NKAIN3: variants seen among roughly 807,000 people sequenced by gnomAD.
NKAIN3 encodes the protein sodium/potassium-transporting ATPase subunit beta-1-interacting protein 3.
A neutral mutation model predicts 30.2 loss-of-function variants in NKAIN3; 25 were observed. The observed-to-expected ratio is 0.83, with a 90% CI of 0.60 to 1.16. NKAIN3 has a LOEUF of 1.16. NKAIN3 is among the 50% of genes most tolerant of loss of function. The probability of loss-of-function intolerance (pLI) is 0.00; values close to 1 mark genes in which losing one functional copy is unlikely to be tolerated. For missense variants in NKAIN3, 225 were observed against 254.1 expected (o/e 0.89, Z 0.78); for synonymous variants, 91 against 89.6 (o/e 1.02, Z -0.09).
chr8:62,479,128 AG>A (rs1218265371), intron 1 of NKAIN3, among the ~76,000 whole-genome samples: 6 of 152,162 alleles, frequency 3.9e-5, no homozygotes, highest in African/African-American at 1.4e-4. Context: ...TATGTCACTC[AG>A]GCTCCTTGTT....
Position 62,658,501 on chromosome 8 carries a change from C to T in NKAIN3, c.273+68707C>T, listed in dbSNP as rs189676686. Among the ~76,000 whole-genome samples, 358 of 152,142 alleles carry T rather than the reference C, an allele frequency of 2.4e-3. 1 individual carries two copies. Among genetic ancestry groups the T allele is most frequent in the South Asian group, 0.012 (57 of 4,830 alleles). ...CTGCCTGGCATATTATATGTAAATG[C>T]GGTATACCCATTCATATATTATGAT... is the stretch of plus-strand genomic sequence containing the variant. On this transcript the variant is annotated intron_variant, in intron 3 of 6. Transcript: ENST00000623646.
At chr8:62,728,165 G>A (rs961954394) in intron 3 of NKAIN3, among the ~76,000 whole-genome samples, 1 of 151,906 alleles carries the variant, frequency 6.6e-6, no homozygotes, top group Non-Finnish European at 1.5e-5. Flanking sequence ...AACTCAAAAT[G>A]GATCACATAC....
At chr8:62,729,039 A>AAAAAAAAAAAAAAAAACAAAC (rs200466973) in intron 3 of NKAIN3, among the ~76,000 whole-genome samples, 8 of 96,942 alleles carry the variant, frequency 8.3e-5, no homozygotes, top group African/African-American at 2.8e-4. Flanking sequence ...AAAAAAAAAA[A>AAAAAAAAAAAAAAAAACAAAC]CAAAAAAAAA....
intron 1 of NKAIN3, among the ~76,000 whole-genome samples, chr8:62,556,300 A>G (rs921997626): frequency 6.6e-6 from 1 of 151,922 alleles, no homozygotes; most frequent in East Asian, 1.9e-4. Context: ...ACATATATGT[A>G]TGCTACCTTT....
Position 62,680,190 on chromosome 8 carries a change from A to G in NKAIN3, c.274-66742A>G, listed in dbSNP as rs1028789547. On this transcript the variant is annotated intron_variant, in intron 3 of 6. Coordinates refer to ENST00000623646, the MANE Select transcript of NKAIN3 (RefSeq NM_001304533.3). ...CAGTCAGCAAGGAAACTTGGAACTC[A>G]GTCCTACAAGCACTTGGAACTGAAT... is the stretch of plus-strand genomic sequence containing the variant. 3.3e-5 allele frequency among the ~76,000 whole-genome samples: 5 copies of G among 152,308 alleles called. No individual in the cohort carries two copies. In the East Asian group the frequency reaches 9.7e-4, roughly 29 times the overall value.
At chr8:62,758,580 G>T (rs1036413940) in intron 4 of NKAIN3, among the ~76,000 whole-genome samples, 5 of 152,058 alleles carry the variant, frequency 3.3e-5, no homozygotes, top group Non-Finnish European at 7.4e-5. Context: ...ATACTCCCAG[G>T]AAAGACAGGG....
chr8:62,764,244 T>G (rs1816766039), intron 4 of NKAIN3, among the ~76,000 whole-genome samples: 1 of 152,202 alleles, frequency 6.6e-6, no homozygotes, highest in Non-Finnish European at 1.5e-5. Context: ...CCTGGTATCT[T>G]TCTTTGAAGT....
chr8:62,595,969 A>T (rs1810819249), intron 3 of NKAIN3, among the ~76,000 whole-genome samples: 1 of 152,032 alleles, frequency 6.6e-6, no homozygotes, highest in Admixed American at 6.6e-5. Context: ...AGATACAAGG[A>T]TTGAAATGTA....
intron 5 of NKAIN3, among the ~76,000 whole-genome samples, chr8:62,924,232 A>G (rs1822370513): frequency 6.6e-6 from 1 of 152,070 alleles, no homozygotes; most frequent in South Asian, 2.1e-4. Context: ...TACACCCTTC[A>G]GATTTCAGCT....
At chr8:62,449,217 C>T (rs1371481812) in intron 1 of NKAIN3, among the ~76,000 whole-genome samples, 2 of 152,064 alleles carry the variant, frequency 1.3e-5, no homozygotes, top group Admixed American at 1.3e-4. Flanking sequence ...CACGATTGCA[C>T]ACTGTGGCAT....
chr8:62,436,161 G>A (rs1043543903), intron 1 of NKAIN3, among the ~76,000 whole-genome samples: 8 of 152,102 alleles, frequency 5.3e-5, no homozygotes, highest in African/African-American at 1.9e-4. Flanking sequence ...TATCTTACAG[G>A]TCTCTCAGGG....
chr8:62,908,263 T>A (rs745489044), intron 4 of NKAIN3, among the ~76,000 whole-genome samples: 2 of 152,204 alleles, frequency 1.3e-5, no homozygotes, highest in Non-Finnish European at 2.9e-5. Context: ...ACCCCCATTG[T>A]ATCTTGGAAG....
At chr8:62,730,502 G>A (rs7005463) in intron 3 of NKAIN3, among the ~76,000 whole-genome samples, 116,370 of 151,892 alleles carry the variant, frequency 0.77, 45,936 homozygotes, top group Non-Finnish European at 0.87. Context: ...TTTCCTAAAT[G>A]TCATTTAATG....
At chr8:62,597,784 CAA>C (rs1203723024) in intron 3 of NKAIN3, among the ~76,000 whole-genome samples, 2 of 151,832 alleles carry the variant, frequency 1.3e-5, no homozygotes, top group Non-Finnish European at 2.9e-5. Flanking sequence ...CCAGTCTTCC[CAA>C]GTCTATGACT....
intron 3 of NKAIN3, among the ~76,000 whole-genome samples, chr8:62,646,851 A>G (rs1349797443): frequency 6.6e-6 from 1 of 152,184 alleles, no homozygotes; most frequent in East Asian, 1.9e-4. Flanking sequence ...ATCACAAAAT[A>G]AAAACTCCAA....
chr8:62,877,316 C>T (rs1344253702), intron 4 of NKAIN3, among the ~76,000 whole-genome samples: 1 of 152,198 alleles, frequency 6.6e-6, no homozygotes, highest in Non-Finnish European at 1.5e-5. Flanking sequence ...AGCAGATGCA[C>T]CCAAAGCTAG....
At chr8:62,993,380 A>G (rs967087161) in intron 5 of NKAIN3, among the ~76,000 whole-genome samples, 2 of 152,240 alleles carry the variant, frequency 1.3e-5, no homozygotes, top group Non-Finnish European at 2.9e-5. Context: ...ACTTAAGAAA[A>G]TTGGAAAATT....
intron 1 of NKAIN3, among the ~76,000 whole-genome samples, chr8:62,459,902 C>T (rs1805936540): frequency 6.6e-6 from 1 of 152,012 alleles, no homozygotes. Flanking sequence ...CTTAGTGTTT[C>T]CTTTGACAGA....
chr8:62,602,765 A>C (rs1353918206), intron 3 of NKAIN3, among the ~76,000 whole-genome samples: 1 of 152,118 alleles, frequency 6.6e-6, no homozygotes, highest in Non-Finnish European at 1.5e-5. Flanking sequence ...GGTCTGTTCC[A>C]GCTACTGCTA....
Sources: allele counts gnomAD v4.1 joint callset (sites outside exome capture counted in the v4.1 genomes callset), GRCh38; gene constraint gnomAD v4.1.1; transcripts MANE v1.5; gene names NCBI Gene and HGNC (gene_info 2026-07-23, HGNC 2026-07-21).